AGBL5: variants seen among roughly 807,000 people sequenced by gnomAD.
AGBL5 encodes cytosolic carboxypeptidase-like protein 5.
AGBL5 carries 51 observed loss-of-function variants against 88.0 expected under a neutral mutation model. The observed-to-expected ratio is 0.58, with a 90% CI of 0.46 to 0.73. The LOEUF (loss-of-function observed/expected upper bound fraction) is 0.73. AGBL5 is among the 30% of genes least tolerant of loss of function. The pLI is 0.00. For missense variants in AGBL5, 1,031 were observed against 1,162.2 expected (o/e 0.89, Z 1.64); for synonymous variants, 446 against 438.8 (o/e 1.02, Z -0.21).
rs1010064496 is a variant in AGBL5 at position 27,070,168 on chromosome 2, C to G, written c.2566C>G (p.Pro856Ala). The change falls in exon 15 of 15, where the codon CCA (proline) becomes GCA (alanine). Residue 856 changes from proline (P) to alanine (A), a missense_variant. Coordinates refer to ENST00000360131, the MANE Select transcript of AGBL5 (RefSeq NM_021831.6). ...TATATCCTGTAGTCTATCTGACTCCCCATCCTGGAATTGTTACAGCAGGGG... is the reference window on the plus strand; with the variant it reads ...TATATCCTGTAGTCTATCTGACTCCGCATCCTGGAATTGTTACAGCAGGGG... ...SPISCSLSDS[P>A]SWNCYSRGPL... The G allele has an allele frequency of 6.2e-7, 1 of 1,614,120 alleles. No homozygotes were observed. Among genetic ancestry groups the G allele is most frequent in the Admixed American group, 1.7e-5 (1 of 60,008 alleles).
chr2:27,059,707 T>A (rs1261235770), intron 11 of AGBL5, among the ~76,000 whole-genome samples: 1 of 152,136 alleles, frequency 6.6e-6, no homozygotes, highest in Non-Finnish European at 1.5e-5. Context: ...ACATGGAGCC[T>A]CCACGTCACG....
At chr2:27,067,271 A>AAC (rs955235045) in intron 11 of AGBL5, among the ~76,000 whole-genome samples, 4 of 151,738 alleles carry the variant, frequency 2.6e-5, no homozygotes, top group African/African-American at 7.3e-5. Context: ...AAAAAAAAAA[A>AAC]AAAACTAGCA....
intron 11 of AGBL5, chr2:27,062,986 G>T (rs570920289): frequency 1.3e-5 from 2 of 152,342 alleles, no homozygotes; most frequent in Admixed American, 6.5e-5. Context: ...GGGAATAAAC[G>T]TAAGACTGTG....
intron 8 of AGBL5, 166 bp from the exon 9 acceptor site, chr2:27,057,137 T>G (rs1053626491): frequency 1.4e-6 from 1 of 697,974 alleles, no homozygotes; most frequent in African/African-American, 1.8e-5. Context: ...TCTGGGTATA[T>G]GGTACAGTAC....
intron 10 of AGBL5, 67 bp from the exon 11 acceptor site, chr2:27,059,123 G>T (rs1668579607): frequency 1.4e-6 from 2 of 1,471,844 alleles, no homozygotes; most frequent in East Asian, 4.5e-5. Flanking sequence ...CTGAGCAGCA[G>T]ATCCTAGGGA....
chr2:27,066,942 G>A (rs899137168), intron 11 of AGBL5, among the ~76,000 whole-genome samples: 2 of 151,986 alleles, frequency 1.3e-5, no homozygotes, highest in African/African-American at 4.8e-5. Flanking sequence ...AATTAGCCAG[G>A]CATGGTGGCA....
chr2:27,050,788 A>G (rs903341663), upstream of AGBL5, among the ~76,000 whole-genome samples: 4 of 152,230 alleles, frequency 2.6e-5, no homozygotes, highest in South Asian at 4.1e-4. Flanking sequence ...GGAGCCTTCG[A>G]TAGCTCAGTT....
chr2:27,054,958 A>C, intron 5 of AGBL5, 117 bp from the exon 6 acceptor site: 1 of 1,489,298 alleles, frequency 6.7e-7, no homozygotes, highest in Non-Finnish European at 9.1e-7. Context: ...CCACTTGCAG[A>C]TTCAGCCAGC....
intron 9 of AGBL5, 106 bp downstream of exon 9, chr2:27,057,544 T>C: frequency 2.3e-6 from 3 of 1,285,868 alleles, no homozygotes; most frequent in South Asian, 3.1e-5. Flanking sequence ...TATTCATCAC[T>C]ATGGCCGTCT....
chr2:27,069,117 C>T, intron 13 of AGBL5: 2 of 1,338,802 alleles, frequency 1.5e-6, no homozygotes, highest in Non-Finnish European at 2.0e-6. Context: ...GTTGCTGCTG[C>T]TAGGAACAGC....
At chr2:27,069,249 G>C (rs1015541550) in intron 13 of AGBL5, 3 of 985,284 alleles carry the variant, frequency 3.0e-6, no homozygotes, top group East Asian at 1.1e-4. Flanking sequence ...AGAGGGCTCT[G>C]AGAGAGGTCT....
In AGBL5 at chr2:27,067,545, C is replaced by T. The variant is rs377413576; in HGVS notation, c.2141C>T (p.Pro714Leu). Residue 714 changes from proline (P) to leucine (L), a missense_variant, in exon 12 of 15, where the codon CCT becomes CTT. By Grantham distance (98) the Pro-to-Leu change is moderately conservative. Around this residue, in one of 2 missense-constraint regions of AGBL5, gnomAD observed 491 missense variants for 484.0 expected, o/e 1.01. Transcript: ENST00000360131. ...RRQQQPLNHR[P>L]AGSLAPSPAP... ...CAGCAGCAGCCCCTGAACCATCGTC[C>T]TGCAGGCAGCCTCGCTCCATCCCCA... The T allele has an allele frequency of 5.1e-5, 83 of 1,614,046 alleles. No individual in the cohort carries two copies. Among genetic ancestry groups the T allele is most frequent in the Middle Eastern group, 3.3e-4 (2 of 6,082 alleles).
intron 12 of AGBL5, chr2:27,067,897 T>TG (rs1361647214): frequency 5.5e-6 from 3 of 543,912 alleles, no homozygotes; most frequent in Admixed American, 6.2e-5. Context: ...TTTTATCAGT[T>TG]GAGGAACCTG....
chr2:27,069,580 C>G lies in AGBL5; in HGVS notation c.2363C>G (p.Pro788Arg), dbSNP rs1359080510. 6.2e-7 allele frequency: 1 copy of G among 1,613,828 alleles called. No individual in the cohort carries two copies. The highest frequency in any genetic ancestry group is 8.5e-7 in the Non-Finnish European group (1 of 1,179,848). ...CAAACCCTGTCCACACAGGCTAGGC[C>G]CAGGTTGGGCCGGGGCTCACCGCCG... ...PCIKTRLQAR[P>R]RLGRGSPPTR... Residue 788 changes from proline to arginine, a missense_variant, in exon 14 of 15, where the codon CCC becomes CGC. By Grantham distance (103) the Pro-to-Arg change is moderately radical. This residue lies in a region of AGBL5 where 491 missense variants were observed against 484.0 expected (regional missense o/e 1.01). Coordinates refer to ENST00000360131, the MANE Select transcript of AGBL5 (RefSeq NM_021831.6).
chr2:27,053,668 G>T lies in AGBL5; in HGVS notation c.387+95G>T. ...TTTCCTTGATACAAGTATGAAGCAG[G>T]TGGGACAACAGGTTTAAGTATCAGC... On this transcript the variant is annotated intron_variant, in intron 3 of 14. Transcript: ENST00000360131. The surrounding 1 kb of genome is among the most constrained non-coding windows in gnomAD (Gnocchi z 4.9). 6.7e-7 allele frequency: 1 copy of T among 1,482,654 alleles called. No homozygotes were observed. The highest frequency in any genetic ancestry group is 9.0e-7 in the Non-Finnish European group (1 of 1,110,810). 91.8% of individuals were successfully genotyped at this position (1,482,654 alleles called of 1,614,324 possible). A position where few individuals can be genotyped will look rare whatever the true frequency, so the allele number is the denominator to read the frequency against.
In AGBL5 at chr2:27,069,560, C is replaced by G. The variant is rs1669173020; in HGVS notation, c.2356-13C>G. 1 of 1,611,558 alleles carries G rather than the reference C, an allele frequency of 6.2e-7. No homozygotes were observed. Among genetic ancestry groups the G allele is most frequent in the East Asian group, 2.2e-5 (1 of 44,798 alleles). On this transcript the variant is annotated splice_polypyrimidine_tract_variant and intron_variant, in intron 13 of 14. Transcript: ENST00000360131. ...AAGAATCCAGCCTCTTAGCGCAAAC[C>G]CTGTCCACACAGGCTAGGCCCAGGT...
chr2:27,066,018 G>A (rs1315656972), intron 11 of AGBL5, among the ~76,000 whole-genome samples: 1 of 152,178 alleles, frequency 6.6e-6, no homozygotes, highest in Non-Finnish European at 1.5e-5. Flanking sequence ...CCAGCACTTT[G>A]GGAACTGAAG....
At chr2:27,050,658 T>A (rs1668033518), upstream of AGBL5, among the ~76,000 whole-genome samples, 1 of 152,226 alleles carries the variant, frequency 6.6e-6, no homozygotes, top group African/African-American at 2.4e-5. Flanking sequence ...CTTTCTCAGC[T>A]CTGTGAGGTC....
In AGBL5 at chr2:27,070,396, AG is replaced by A; in HGVS notation, c.*135del. 1 of 894,864 alleles carries A rather than the reference AG, an allele frequency of 1.1e-6. No homozygotes were observed. The highest frequency in any genetic ancestry group is 1.7e-6 in the Non-Finnish European group (1 of 573,072). 55.4% of individuals were successfully genotyped at this position (894,864 alleles called of 1,614,324 possible). A position where few individuals can be genotyped will look rare whatever the true frequency, so the allele number is the denominator to read the frequency against. On this transcript the variant is annotated 3_prime_UTR_variant, in exon 15 of 15. Transcript: ENST00000360131. The stretch of plus-strand genomic sequence containing the variant: ...CTTGGAATGCCAGCCACGCTGTCCA[AG>A]GCATTACAGAGTATCACCTTGAGAC...
Sources: gnomAD v4.1 joint callset for allele counts (sites outside exome capture counted in the v4.1 genomes callset) on GRCh38, gnomAD v4.1.1 for gene constraint, gnomAD v4.1.1 regional missense constraint, Gnocchi (gnomAD v3.1) non-coding constraint, MANE v1.5 for transcripts, NCBI Gene and HGNC (gene_info 2026-07-23, HGNC 2026-07-21) for gene names.